The following MSR1 variants were observed in gnomAD, a reference collection of about 807,000 sequenced individuals.
MSR1 encodes macrophage scavenger receptor 1.
A neutral mutation model predicts 47.2 loss-of-function variants in MSR1; 53 were observed. That is an observed-to-expected ratio of 1.12 (90% confidence interval 0.90 to 1.41). The LOEUF (loss-of-function observed/expected upper bound fraction) is 1.41, where lower values mean the gene tolerates loss of function less well. MSR1 is among the 40% of genes most tolerant of loss of function. The pLI is 0.00. For synonymous variants in MSR1, 239 were observed against 185.6 expected (o/e 1.29, Z -2.34); for missense variants, 786 against 546.9 (o/e 1.44, Z -4.36).
chr8:16,137,973 C>T (rs1219964943), intron 8 of MSR1, among the ~76,000 whole-genome samples: 4 of 146,994 alleles, frequency 2.7e-5, no homozygotes, highest in Non-Finnish European at 6.0e-5. Flanking sequence ...ACCTGTGCAA[C>T]AGAGCAAGAC....
chr8:16,128,663 G>T (rs761893553), intron 8 of MSR1, among the ~76,000 whole-genome samples: 13 of 152,090 alleles, frequency 8.5e-5, no homozygotes, highest in Non-Finnish European at 1.8e-4. Flanking sequence ...ACGAGAAATA[G>T]CATACTTCAG....
intron 4 of MSR1, among the ~76,000 whole-genome samples, chr8:16,165,430 A>G (rs992931372): frequency 1.3e-5 from 2 of 152,086 alleles, no homozygotes; most frequent in African/African-American, 4.8e-5. Flanking sequence ...TTTTTCTTTT[A>G]GATCATTTGC....
At chr8:16,112,729 A>G (rs936667594) in intron 9 of MSR1, among the ~76,000 whole-genome samples, 2 of 151,380 alleles carry the variant, frequency 1.3e-5, no homozygotes, top group South Asian at 2.1e-4. Flanking sequence ...CACTGTTATT[A>G]TTTTTTTTGT....
intron 8 of MSR1, among the ~76,000 whole-genome samples, chr8:16,131,670 G>A (rs1800263138): frequency 1.3e-5 from 2 of 151,858 alleles, no homozygotes; most frequent in South Asian, 4.2e-4. Flanking sequence ...ATGGTGTAAG[G>A]AAAGAGTTCA....
At chr8:16,171,380 T>G (rs1801483078) in intron 3 of MSR1, among the ~76,000 whole-genome samples, 1 of 152,202 alleles carries the variant, frequency 6.6e-6, no homozygotes, top group Admixed American at 6.5e-5. Context: ...AATTTAATAT[T>G]AGCTTATGTG....
At chr8:16,145,926 T>G (rs1800684524) in intron 7 of MSR1, among the ~76,000 whole-genome samples, 1 of 152,162 alleles carries the variant, frequency 6.6e-6, no homozygotes, top group Admixed American at 6.6e-5. Flanking sequence ...TCCTATGTAT[T>G]ACTCTTTAAT....
chr8:16,121,201 T>C (rs1375035897), intron 8 of MSR1: 3 of 407,430 alleles, frequency 7.4e-6, no homozygotes, highest in East Asian at 1.5e-4. Flanking sequence ...GATTTTTGTG[T>C]TTTTCCTCTT....
rs1801701646 is a variant in MSR1, at chr8:16,177,922, A to G, written c.67T>C (p.Phe23Leu). 1.2e-6 allele frequency: 2 copies of G among 1,613,908 alleles called. No individual in the cohort carries two copies. The highest frequency in any genetic ancestry group is 1.7e-6 in the Non-Finnish European group (2 of 1,179,916). ...DTDSCSESVK[F>L]DARSMTALLP... ...AAAGCTGTCATTGAGCGAGCATCAA[A>G]TTTCACAGATTCGGAGCAGCTATCA... The change falls in exon 2 of 10, where the codon TTT (phenylalanine) becomes CTT (leucine). Residue 23 changes from phenylalanine to leucine, a missense_variant. Coordinates refer to ENST00000262101, the MANE Select transcript of MSR1 (RefSeq NM_138715.3).
In MSR1 at chr8:16,168,517, G is replaced by A; in HGVS notation, c.571C>T (p.Gln191Ter). 6.2e-7 allele frequency: 1 copy of A among 1,614,080 alleles called. No individual in the cohort carries two copies. The highest frequency in any genetic ancestry group is 8.5e-7 in the Non-Finnish European group (1 of 1,180,000). ...ISLNTTLLDL[Q>*]LNIENLNGKI... ...CCATTCAGATTTTCTATGTTGAGCTGCAAATCAAGCAATGTGGTATTCAAA... is the reference window on the plus strand; with the variant it reads ...CCATTCAGATTTTCTATGTTGAGCTACAAATCAAGCAATGTGGTATTCAAA... Residue 191 changes from glutamine (Q) to a stop codon, truncating the protein, a stop_gained, in exon 4 of 10, where the codon CAG (glutamine) becomes TAG (stop). Coordinates refer to ENST00000262101, the MANE Select transcript of MSR1 (RefSeq NM_138715.3). LOFTEE classifies it high-confidence loss of function.
In MSR1 at chr8:16,109,206, G is replaced by C. The variant is rs946373216; in HGVS notation, c.*879C>G. ...CCCCCGCCCTTTGGTTGTAAATGTT[G>C]ACTGACTTCATAAAAGACTCCAAAC... On this transcript the variant is annotated 3_prime_UTR_variant, in exon 10 of 10. Transcript: ENST00000262101. The C allele has an allele frequency of 8.4e-6, 1 of 119,170 alleles. No homozygotes were observed. Among genetic ancestry groups the C allele is most frequent in the Non-Finnish European group, 1.6e-5 (1 of 63,380 alleles). The allele number at this position is 119,170 out of a possible 1,614,324, so 7.4% of individuals were successfully genotyped here.
At chr8:16,185,385 T>G (rs1054973434) in intron 1 of MSR1, among the ~76,000 whole-genome samples, 1 of 152,160 alleles carries the variant, frequency 6.6e-6, no homozygotes, top group East Asian at 1.9e-4. Context: ...AAACGTGGAT[T>G]TTCTACAGCA....
intron 8 of MSR1, among the ~76,000 whole-genome samples, chr8:16,123,638 C>G (rs1333088729): frequency 6.6e-6 from 1 of 151,260 alleles, no homozygotes; most frequent in East Asian, 1.9e-4. Flanking sequence ...TTTGTGTAGA[C>G]ATTTTCTACA....
intron 8 of MSR1, among the ~76,000 whole-genome samples, chr8:16,133,998 TC>T (rs1800325423): frequency 6.6e-6 from 1 of 152,180 alleles, no homozygotes; most frequent in South Asian, 2.1e-4. Flanking sequence ...TGTATTTTTT[TC>T]CTCACAAATT....
In MSR1 at chr8:16,185,706, G is replaced by A. The variant is rs1024477693; in HGVS notation, c.-5+6892C>T. Among the ~76,000 whole-genome samples, 9 of 152,000 alleles carry A rather than the reference G, an allele frequency of 5.9e-5. No individual in the cohort carries two copies. The East Asian group carries it at 1.2e-3, about 20-fold the overall frequency. ...TTATCTACTCCAGCCAGGCATCTTG[G>A]GTAACAGCAATGGTGCAGACAATTA... On this transcript the variant is annotated intron_variant, in intron 1 of 9. Transcript: ENST00000262101.
chr8:16,170,628 T>C (rs763026010), intron 3 of MSR1, among the ~76,000 whole-genome samples: 2 of 152,150 alleles, frequency 1.3e-5, no homozygotes, highest in African/African-American at 4.8e-5. Flanking sequence ...CTAATAAAAG[T>C]GATATGGTGA....
intron 7 of MSR1, among the ~76,000 whole-genome samples, chr8:16,147,876 A>G (rs1460422602): frequency 1.3e-5 from 2 of 152,032 alleles, no homozygotes; most frequent in African/African-American, 4.8e-5. Context: ...TTCCACCTAA[A>G]CATAATGGTT....
intron 7 of MSR1, among the ~76,000 whole-genome samples, chr8:16,144,372 A>T (rs987821378): frequency 1.3e-5 from 2 of 152,068 alleles, no homozygotes; most frequent in Non-Finnish European, 2.9e-5. Flanking sequence ...AACAGCCATG[A>T]GATACAATCA....
intron 9 of MSR1, among the ~76,000 whole-genome samples, chr8:16,115,641 C>G (rs774902336): frequency 8.6e-5 from 13 of 151,902 alleles, no homozygotes; most frequent in Non-Finnish European, 1.8e-4. Context: ...CATAATTATT[C>G]TTTAGTTGTT....
chr8:16,120,907 C>G, intron 8 of MSR1: 1 of 402,940 alleles, frequency 2.5e-6, no homozygotes, highest in Non-Finnish European at 4.5e-6. Context: ...TTGACAGATA[C>G]AAGTTTATTG....
Sources: allele counts gnomAD v4.1 joint callset (sites outside exome capture counted in the v4.1 genomes callset), GRCh38; gene constraint gnomAD v4.1.1; transcripts MANE v1.5; gene names NCBI Gene and HGNC (gene_info 2026-07-23, HGNC 2026-07-21).